FKTN: variants seen among roughly 807,000 people sequenced by gnomAD.
FKTN encodes ribitol-5-phosphate transferase FKTN.
In FKTN, 47 loss-of-function variants were observed where a neutral mutation model predicts 58.6. The ratio of observed to expected loss-of-function variants is 0.80; its 90% CI spans 0.63 to 1.02. The LOEUF (loss-of-function observed/expected upper bound fraction) is 1.02. Ranked by LOEUF, FKTN falls within the 50% of genes least tolerant of loss-of-function variation. FKTN has a pLI of 0.00. For missense variants in FKTN, 516 were observed against 537.3 expected (o/e 0.96, Z 0.39); for synonymous variants, 178 against 191.9 (o/e 0.93, Z 0.60).
intron 3 of FKTN, among the ~76,000 whole-genome samples, chr9:105,593,527 A>G (rs1345140072): frequency 6.6e-6 from 1 of 152,188 alleles, no homozygotes. Context: ...GGGAGTACAA[A>G]TGGAGTGTTG....
intron 3 of FKTN, among the ~76,000 whole-genome samples, chr9:105,585,669 A>G (rs1843775946): frequency 6.6e-6 from 1 of 152,218 alleles, no homozygotes; most frequent in Non-Finnish European, 1.5e-5. Context: ...GAGAACCTGA[A>G]CTATTGTTAA....
intron 3 of FKTN, among the ~76,000 whole-genome samples, chr9:105,577,960 GCTCT>G (rs1397336760): frequency 6.6e-6 from 1 of 151,762 alleles, no homozygotes; most frequent in African/African-American, 2.4e-5. Flanking sequence ...TTATGATTTG[GCTCT>G]CTGTTTGTGT....
chr9:105,582,277 G>C (rs1843125158), intron 3 of FKTN, among the ~76,000 whole-genome samples: 1 of 105,274 alleles, frequency 9.5e-6, no homozygotes, highest in East Asian at 3.9e-4. Flanking sequence ...CTGTAACCTT[G>C]AATCTGGGGC....
chr9:105,604,145 C>G, intron 5 of FKTN, 70 bp from the exon 6 acceptor site: 1 of 1,471,722 alleles, frequency 6.8e-7, no homozygotes, highest in Non-Finnish European at 9.5e-7. Context: ...AGTTTTGCTA[C>G]TAGTATTTGG....
intron 3 of FKTN, among the ~76,000 whole-genome samples, chr9:105,586,830 A>G (rs1843999575): frequency 6.6e-6 from 1 of 152,214 alleles, no homozygotes; most frequent in Non-Finnish European, 1.5e-5. Flanking sequence ...GCAGTTTGAC[A>G]AGTAAAATTG....
chr9:105,569,491 TAAAAG>T (rs1840353422), intron 1 of FKTN, among the ~76,000 whole-genome samples: 1 of 152,234 alleles, frequency 6.6e-6, no homozygotes, highest in Admixed American at 6.5e-5. Flanking sequence ...AAAGGAAACA[TAAAAG>T]AATGTGTTCT....
chr9:105,609,627 G>A (rs2132951721), intron 7 of FKTN, among the ~76,000 whole-genome samples: 1 of 152,146 alleles, frequency 6.6e-6, no homozygotes, highest in South Asian at 2.1e-4. Flanking sequence ...TTACTTTCAT[G>A]ACTAATACTT....
At chr9:105,572,387 G>A (rs1227397810) in intron 1 of FKTN, among the ~76,000 whole-genome samples, 1 of 152,106 alleles carries the variant, frequency 6.6e-6, no homozygotes, top group Non-Finnish European at 1.5e-5. Context: ...GAAACAACAA[G>A]GAAACTGAGA....
At chr9:105,619,463 CAT>C (rs1204378341) in intron 9 of FKTN, among the ~76,000 whole-genome samples, 3 of 151,302 alleles carry the variant, frequency 2.0e-5, no homozygotes, top group Non-Finnish European at 4.4e-5. Flanking sequence ...TTCTTTTTTC[CAT>C]GTGTGTAGTA....
intron 1 of FKTN, among the ~76,000 whole-genome samples, chr9:105,567,824 G>T (rs1029656144): frequency 6.6e-6 from 1 of 152,116 alleles, no homozygotes; most frequent in Non-Finnish European, 1.5e-5. Flanking sequence ...AAAAGAGCCC[G>T]CCTTGCCAAG....
chr9:105,632,556 C>T (rs1833613326), intron 10 of FKTN, among the ~76,000 whole-genome samples: 1 of 151,878 alleles, frequency 6.6e-6, no homozygotes, highest in African/African-American at 2.4e-5. Context: ...AGTGGAAGAA[C>T]TTCCTTTTCA....
At chr9:105,574,646 C>G (rs199590991) in intron 2 of FKTN, among the ~76,000 whole-genome samples, 1 of 152,106 alleles carries the variant, frequency 6.6e-6, no homozygotes, top group East Asian at 1.9e-4. Flanking sequence ...TCTGAGGTCT[C>G]ATACCGGATT....
chr9:105,622,915 C>G (rs1832214048), intron 10 of FKTN: 1 of 152,076 alleles, frequency 6.6e-6, no homozygotes, highest in African/African-American at 2.4e-5. Context: ...GGCATATTTT[C>G]TTCCTCCGTC....
chr9:105,610,711 T>G (rs1009408588), intron 7 of FKTN, among the ~76,000 whole-genome samples: 1 of 151,982 alleles, frequency 6.6e-6, no homozygotes, highest in Admixed American at 6.6e-5. Flanking sequence ...CTCCCCACAC[T>G]GGACACTCTC....
At chr9:105,626,978 ATTCTTTTTTTT>A (rs1832815309) in intron 10 of FKTN, among the ~76,000 whole-genome samples, 2 of 113,024 alleles carry the variant, frequency 1.8e-5, no homozygotes, top group Non-Finnish European at 3.4e-5. Context: ...TTTCTTCTTT[ATTCTTTTTTTT>A]TTTTTTTTGA....
intron 3 of FKTN, among the ~76,000 whole-genome samples, chr9:105,587,224 A>C (rs1387359410): frequency 6.6e-6 from 1 of 152,144 alleles, no homozygotes; most frequent in Non-Finnish European, 1.5e-5. Flanking sequence ...TGTATTATCT[A>C]GGAGCCCACT....
intron 10 of FKTN, among the ~76,000 whole-genome samples, chr9:105,626,425 TCCC>T (rs1832747154): frequency 6.6e-6 from 1 of 152,142 alleles, no homozygotes; most frequent in Non-Finnish European, 1.5e-5. Context: ...GCAATCAAGC[TCCC>T]TTAGGCCTTT....
At chr9:105,615,024 T>C (rs1288461749) in intron 7 of FKTN, among the ~76,000 whole-genome samples, 3 of 147,612 alleles carry the variant, frequency 2.0e-5, no homozygotes, top group Non-Finnish European at 4.5e-5. Context: ...GCTGGAACTA[T>C]AGGCGCGGGC....
At chr9:105,617,647 G>A (rs1350091955) in intron 8 of FKTN, among the ~76,000 whole-genome samples, 3 of 152,054 alleles carry the variant, frequency 2.0e-5, no homozygotes, top group African/African-American at 4.8e-5. Flanking sequence ...TAGATACATA[G>A]ATAGATAGAA....
Sources: allele counts gnomAD v4.1 joint callset (sites outside exome capture counted in the v4.1 genomes callset), GRCh38; gene constraint gnomAD v4.1.1; transcripts MANE v1.5; gene names NCBI Gene and HGNC (gene_info 2026-07-23, HGNC 2026-07-21).